The following EBF3 variants were observed in gnomAD, a reference collection of about 807,000 sequenced individuals.
EBF3 encodes transcription factor COE3.
A neutral mutation model predicts 77.1 loss-of-function variants in EBF3; 18 were observed. That is an observed-to-expected ratio of 0.23 (90% CI 0.16 to 0.35). EBF3 has a LOEUF of 0.35. EBF3 is among the 10% of genes least tolerant of loss of function. The pLI, the probability that EBF3 is intolerant of heterozygous loss-of-function variation, is 1.00. For missense variants in EBF3, 558 were observed against 860.0 expected (o/e 0.65, Z 4.39); for synonymous variants, 350 against 343.5 (o/e 1.02, Z -0.21).
At chr10:129,940,703 G>A (rs1236676254) in intron 6 of EBF3, among the ~76,000 whole-genome samples, 1 of 152,206 alleles carries the variant, frequency 6.6e-6, no homozygotes, top group Admixed American at 6.5e-5. Flanking sequence ...GGAAGTAGGG[G>A]GCTGGCAGAG....
chr10:129,914,315 G>A (rs760246946), intron 6 of EBF3, among the ~76,000 whole-genome samples: 1 of 152,168 alleles, frequency 6.6e-6, no homozygotes, highest in African/African-American at 2.4e-5. Context: ...ACGGCGTTGG[G>A]CATCAGTGCT....
intron 10 of EBF3, among the ~76,000 whole-genome samples, chr10:129,858,103 T>C (rs1466402843): frequency 1.3e-5 from 2 of 152,192 alleles, no homozygotes; most frequent in Non-Finnish European, 2.9e-5. Context: ...ACTATCATGG[T>C]GCCACAGCAA....
chr10:129,904,953 A>C (rs556895746), intron 6 of EBF3, among the ~76,000 whole-genome samples: 5 of 152,264 alleles, frequency 3.3e-5, no homozygotes, highest in Non-Finnish European at 7.3e-5. Context: ...GACATTTCTG[A>C]AGCAAAGTCA....
At chr10:129,936,732 G>A (rs1045958499) in intron 6 of EBF3, among the ~76,000 whole-genome samples, 24 of 150,886 alleles carry the variant, frequency 1.6e-4, no homozygotes, top group Non-Finnish European at 2.8e-4. Flanking sequence ...GGACCCAGGG[G>A]GCTATGGGGG....
At position 129,842,861 on chromosome 10, in the gene EBF3, A is replaced by C. The variant is rs992923770; in HGVS notation, c.1194+276T>G. On this transcript the variant is annotated intron_variant, in intron 12 of 16. Coordinates refer to ENST00000440978, the MANE Select transcript of EBF3 (RefSeq NM_001375380.1). The surrounding 1 kb of genome is among the most constrained non-coding windows in gnomAD (Gnocchi z 4.4). Reference sequence around the variant, plus strand: ...CTCCCTGGTTCCCAGCGGCACCAACACCGTCCACCCGCCACTGCACACTGC... The same window carrying C: ...CTCCCTGGTTCCCAGCGGCACCAACCCCGTCCACCCGCCACTGCACACTGC... Among the ~76,000 whole-genome samples the C allele has an allele frequency of 6.6e-6, 1 of 150,906 alleles. No homozygotes were observed.
rs2134140131 is a variant in EBF3, at chr10:129,879,850, C to A, written c.555-2001G>T. On this transcript the variant is annotated intron_variant, in intron 6 of 16. Coordinates refer to ENST00000440978, the MANE Select transcript of EBF3 (RefSeq NM_001375380.1). This position sits in a 1 kb window ranked among gnomAD's most constrained non-coding sequence, Gnocchi z 4.7. ...GGTGAGGGCGCCACCAAGTTATCGT[C>A]CTGTCAGGCAATTAGGTTTTCACTT... 6.6e-6 allele frequency among the ~76,000 whole-genome samples: 1 copy of A among 152,330 alleles called. No homozygotes were observed. Among genetic ancestry groups the A allele is most frequent in the East Asian group, 1.9e-4 (1 of 5,188 alleles).
At chr10:129,844,050 G>C (rs923669576) in intron 11 of EBF3, among the ~76,000 whole-genome samples, 1 of 152,236 alleles carries the variant, frequency 6.6e-6, no homozygotes. Context: ...AATAAGCCGA[G>C]GCCAGGCCCA....
intron 6 of EBF3, among the ~76,000 whole-genome samples, chr10:129,918,076 C>G (rs1017415379): frequency 2.0e-5 from 3 of 152,210 alleles, no homozygotes; most frequent in African/African-American, 7.2e-5. Flanking sequence ...CCTGGTCACA[C>G]AGTTAGGAAG....
chr10:129,937,030 T>C (rs1423252528), intron 6 of EBF3, among the ~76,000 whole-genome samples: 6 of 152,182 alleles, frequency 3.9e-5, no homozygotes, highest in Admixed American at 6.5e-5. Context: ...ACGTGATGCA[T>C]GCCGAGTGCC....
At chr10:129,882,742 T>C (rs1853295096) in intron 6 of EBF3, among the ~76,000 whole-genome samples, 1 of 152,266 alleles carries the variant, frequency 6.6e-6, no homozygotes. Flanking sequence ...ACACCATCCC[T>C]ACCCTCATGT....
intron 6 of EBF3, among the ~76,000 whole-genome samples, chr10:129,888,920 A>T (rs1021359419): frequency 3.9e-5 from 6 of 152,230 alleles, no homozygotes; most frequent in African/African-American, 1.4e-4. Context: ...CAGTGTGGGC[A>T]GAGGGAGCAG....
chr10:129,961,051 T>C (rs1859477131), intron 4 of EBF3, among the ~76,000 whole-genome samples: 1 of 152,184 alleles, frequency 6.6e-6, no homozygotes, highest in Non-Finnish European at 1.5e-5. Flanking sequence ...CTAACACCCT[T>C]GCTACCTAGG....
At chr10:129,858,939 A>G (rs190023084) in intron 10 of EBF3, among the ~76,000 whole-genome samples, 1 of 152,336 alleles carries the variant, frequency 6.6e-6, no homozygotes, top group Admixed American at 6.5e-5. Context: ...ATTTGCACCA[A>G]TGCTGACCAA....
At chr10:129,899,282 T>G (rs1048072959) in intron 6 of EBF3, among the ~76,000 whole-genome samples, 1 of 152,250 alleles carries the variant, frequency 6.6e-6, no homozygotes, top group Admixed American at 6.5e-5. Flanking sequence ...TAACTGCCAA[T>G]GAAAACGTCT....
chr10:129,876,686 A>G (rs1852793653), intron 7 of EBF3, among the ~76,000 whole-genome samples: 1 of 152,240 alleles, frequency 6.6e-6, no homozygotes, highest in South Asian at 2.1e-4. Flanking sequence ...CATTCATCCA[A>G]GCTAGTGGTC....
chr10:129,910,824 C>T (rs1564880500), intron 6 of EBF3, among the ~76,000 whole-genome samples: 2 of 152,152 alleles, frequency 1.3e-5, no homozygotes, highest in Non-Finnish European at 2.9e-5. Flanking sequence ...AGTTTCTGTC[C>T]GCAAACCTGG....
At chr10:129,887,139 G>A (rs1221957521) in intron 6 of EBF3, among the ~76,000 whole-genome samples, 1 of 148,020 alleles carries the variant, frequency 6.8e-6, no homozygotes, top group East Asian at 2.0e-4. Context: ...ACAAGTTGCA[G>A]CCCCACCTGG....
At chr10:129,945,167 A>AGGG (rs1433675987) in intron 6 of EBF3, among the ~76,000 whole-genome samples, 3 of 33,972 alleles carry the variant, frequency 8.8e-5, no homozygotes, top group African/African-American at 5.1e-4. Flanking sequence ...AGGGGAGGGG[A>AGGG]GAGGAGTGAA....
intron 6 of EBF3, among the ~76,000 whole-genome samples, chr10:129,878,378 T>C (rs1406113091): frequency 6.6e-6 from 1 of 152,162 alleles, no homozygotes; most frequent in East Asian, 1.9e-4. Flanking sequence ...AACACACTTT[T>C]AAATATGGGT....
Sources: gnomAD v4.1 joint callset for allele counts (sites outside exome capture counted in the v4.1 genomes callset) on GRCh38, gnomAD v4.1.1 for gene constraint, Gnocchi (gnomAD v3.1) non-coding constraint, MANE v1.5 for transcripts, NCBI Gene and HGNC (gene_info 2026-07-23, HGNC 2026-07-21) for gene names.